Variants in ZNF268 observed in about 807,000 individuals in gnomAD.
The protein encoded by ZNF268 is zinc finger protein 3.
ZNF268 carries 20 observed loss-of-function variants against 29.3 expected under a neutral mutation model. That is an observed-to-expected ratio of 0.68 (90% CI 0.48 to 0.99). The LOEUF is 0.99. Among genes scored for constraint, ZNF268 ranks in the 50% least tolerant of loss-of-function variants. ZNF268 has a pLI of 0.00. For synonymous variants in ZNF268, 429 were observed against 376.9 expected (o/e 1.14, Z -1.60); for missense variants, 1,240 against 1,121.6 (o/e 1.11, Z -1.51).
chr12:133,205,358 GAAAT>G lies in ZNF268; in HGVS notation c.*831_*834del, dbSNP rs924026189. 1 of 151,868 alleles carries G rather than the reference GAAAT, an allele frequency of 6.6e-6. No homozygotes were observed. The highest frequency in any genetic ancestry group is 2.4e-5 in the African/African-American group (1 of 41,358). 9.4% of individuals were successfully genotyped at this position (151,868 alleles called of 1,614,324 possible). A position where few individuals can be genotyped will look rare whatever the true frequency, so the allele number is the denominator to read the frequency against. On this transcript the variant is annotated 3_prime_UTR_variant, in exon 6 of 6. Coordinates refer to ENST00000536435, the MANE Select transcript of ZNF268 (RefSeq NM_003415.3). ...AATCTAGTAAGGAGGTTAAGAATAA[GAAAT>G]AACATCCCAGAGCCTACAGGGATAT...
chr12:133,191,311 TG>T, intron 3 of ZNF268, 177 bp from the exon 4 acceptor site: 1 of 621,642 alleles, frequency 1.6e-6, no homozygotes, highest in Non-Finnish European at 2.6e-6. Flanking sequence ...AGTGAGACTC[TG>T]TCTCAACAAA....
chr12:133,190,022 A>G (rs917420619), intron 3 of ZNF268, among the ~76,000 whole-genome samples: 4 of 151,976 alleles, frequency 2.6e-5, no homozygotes, highest in African/African-American at 9.7e-5. Flanking sequence ...GTTAGCCAGG[A>G]TGGTCTCGTT....
chr12:133,192,739 G>A (rs1005920707), intron 5 of ZNF268, among the ~76,000 whole-genome samples: 17 of 151,596 alleles, frequency 1.1e-4, no homozygotes, highest in African/African-American at 3.9e-4. Flanking sequence ...GTGCAATCTC[G>A]GCTCACTGCA....
At chr12:133,183,733 A>G (rs1382780297) in intron 2 of ZNF268, among the ~76,000 whole-genome samples, 2 of 152,240 alleles carry the variant, frequency 1.3e-5, no homozygotes, top group East Asian at 3.9e-4. Context: ...AGAGGTTGCA[A>G]ATTAGGTGTG....
rs761585557 is a variant in ZNF268 at position 133,202,438 on chromosome 12, G to T, written c.752G>T (p.Ser251Ile). The T allele has an allele frequency of 6.2e-7, 1 of 1,610,918 alleles. No individual in the cohort carries two copies. Among genetic ancestry groups the T allele is most frequent in the African/African-American group, 1.3e-5 (1 of 74,996 alleles). Residue 251 changes from serine to isoleucine, a missense_variant, in exon 6 of 6, where the codon AGT becomes ATT. Physicochemically the swap from Ser to Ile is moderately radical, Grantham distance 142. Coordinates refer to ENST00000536435, the MANE Select transcript of ZNF268 (RefSeq NM_003415.3). ...GTTATTGGAATAAAATACTGTGAAA[G>T]TATTGAATCTGGAAAAACCGTCAAT... ...QTVIGIKYCESIESGKTVNKK... is the reference protein window; with the variant it reads ...QTVIGIKYCEIIESGKTVNKK...
chr12:133,199,025 A>G lies in ZNF268; in HGVS notation c.458-3119A>G, dbSNP rs868308413. Among the ~76,000 whole-genome samples, 80 of 151,462 alleles carry G rather than the reference A, an allele frequency of 5.3e-4. No individual in the cohort carries two copies. The South Asian group carries it at 6.7e-3, about 13-fold the overall frequency. On this transcript the variant is annotated intron_variant, in intron 5 of 5. Coordinates refer to ENST00000536435, the MANE Select transcript of ZNF268 (RefSeq NM_003415.3). ...CTCTTTTCCTAATTGAATACCCTTT[A>G]TTTCCTTCTCCTGCCTAATTGCCCT...
Position 133,213,228 on chromosome 12 carries a change from T to C in ZNF268, c.*8698T>C, listed in dbSNP as rs1299873588. The C allele has an allele frequency of 2.6e-5, 4 of 152,202 alleles. No individual in the cohort carries two copies. The highest frequency in any genetic ancestry group is 9.7e-5 in the African/African-American group (4 of 41,446). 9.4% of individuals were successfully genotyped at this position (152,202 alleles called of 1,614,324 possible). A position where few individuals can be genotyped will look rare whatever the true frequency, so the allele number is the denominator to read the frequency against. On this transcript the variant is annotated 3_prime_UTR_variant, in exon 6 of 6. Transcript: ENST00000536435. Reference sequence around the variant, plus strand: ...ATTGTGGTTTTGATTTTCCTTTACCTAATGGCTAGTGATGTTGAAAATCTT... The same window carrying C: ...ATTGTGGTTTTGATTTTCCTTTACCCAATGGCTAGTGATGTTGAAAATCTT...
At position 133,204,759 on chromosome 12, in the gene ZNF268, T is replaced by A. The variant is rs1956857119; in HGVS notation, c.*229T>A. Reference sequence around the variant, plus strand: ...CTGAATTTAGTAACCACTCTGAAAATTTTTAGCAGCAAGTCATACCTTTTT... The same window carrying A: ...CTGAATTTAGTAACCACTCTGAAAAATTTTAGCAGCAAGTCATACCTTTTT... On this transcript the variant is annotated 3_prime_UTR_variant, in exon 6 of 6. Transcript: ENST00000536435. 2.5e-6 allele frequency: 1 copy of A among 403,734 alleles called. No individual in the cohort carries two copies. Among genetic ancestry groups the A allele is most frequent in the Admixed American group, 4.2e-5 (1 of 23,760 alleles). The allele number at this position is 403,734 out of a possible 1,614,324, so 25.0% of individuals were successfully genotyped here.
rs1010493797 is a variant in ZNF268, at chr12:133,202,928, A to T, written c.1242A>T (p.Lys414Asn). Reference protein sequence around the residue: ...IIHERIHTGEKPYECNECQKA... With the variant: ...IIHERIHTGENPYECNECQKA... Reference sequence around the variant, plus strand: ...ATGAAAGAATTCATACAGGAGAGAAACCATATGAATGCAATGAATGTCAGA... The same window carrying T: ...ATGAAAGAATTCATACAGGAGAGAATCCATATGAATGCAATGAATGTCAGA... The change falls in exon 6 of 6, where the codon AAA (lysine) becomes AAT (asparagine). Residue 414 changes from lysine (K) to asparagine (N), a missense_variant. This residue lies in a region of ZNF268 where 1,177 missense variants were observed against 1,039.6 expected (regional missense o/e 1.13). Coordinates refer to ENST00000536435, the MANE Select transcript of ZNF268 (RefSeq NM_003415.3). 2 of 1,545,692 alleles carry T rather than the reference A, an allele frequency of 1.3e-6. No individual in the cohort carries two copies. The highest frequency in any genetic ancestry group is 2.0e-5 in the Admixed American group (1 of 51,258).
Position 133,191,507 on chromosome 12 carries a change from G to A in ZNF268, c.253G>A (p.Asp85Asn), listed in dbSNP as rs1314136871. Residue 85 changes from aspartate to asparagine, a missense_variant, in exon 4 of 6, where the codon GAT (aspartate) becomes AAT (asparagine). Coordinates refer to ENST00000536435, the MANE Select transcript of ZNF268 (RefSeq NM_003415.3). The part of the protein sequence containing the change: ...TKSWGPLSFM[D>N]VFVDFTWEEW... The stretch of plus-strand genomic sequence containing the variant: ...ATTTCAGGGACCTTTGTCATTCATG[G>A]ATGTGTTTGTGGATTTTACCTGGGA... 6.2e-7 allele frequency: 1 copy of A among 1,613,954 alleles called. No individual in the cohort carries two copies. The highest frequency in any genetic ancestry group is 8.5e-7 in the Non-Finnish European group (1 of 1,179,932).
At chr12:133,200,054 T>C (rs1487840464) in intron 5 of ZNF268, among the ~76,000 whole-genome samples, 1 of 152,214 alleles carries the variant, frequency 6.6e-6, no homozygotes, top group African/African-American at 2.4e-5. Context: ...TTTAGTTATT[T>C]CTTGCCTTCT....
chr12:133,183,936 A>T (rs1956240595), intron 2 of ZNF268, among the ~76,000 whole-genome samples: 1 of 152,344 alleles, frequency 6.6e-6, no homozygotes, highest in South Asian at 2.1e-4. Flanking sequence ...AGTGACATGT[A>T]TGAGGGAGAT....
intron 3 of ZNF268, among the ~76,000 whole-genome samples, chr12:133,188,900 A>C (rs1244627715): frequency 6.6e-6 from 1 of 152,056 alleles, no homozygotes; most frequent in Non-Finnish European, 1.5e-5. Flanking sequence ...TCTAACTTTT[A>C]CTGAGTCTGG....
chr12:133,187,043 A>G (rs1293149602), intron 2 of ZNF268, among the ~76,000 whole-genome samples: 2 of 152,096 alleles, frequency 1.3e-5, no homozygotes, highest in Non-Finnish European at 2.9e-5. Context: ...ATCACCTTTT[A>G]CTGGCTGTAT....
At chr12:133,195,693 A>G (rs1392603456) in intron 5 of ZNF268, among the ~76,000 whole-genome samples, 2 of 151,910 alleles carry the variant, frequency 1.3e-5, no homozygotes, top group Admixed American at 6.6e-5. Context: ...GGTGACAGAG[A>G]GGGATCCTGT....
Position 133,211,218 on chromosome 12 carries a change from A to AC in ZNF268, c.*6691dup, listed in dbSNP as rs1566396244. The AC allele has an allele frequency of 2.8e-5, 10 of 354,140 alleles. No homozygotes were observed. The highest frequency in any genetic ancestry group is 1.7e-4 in the African/African-American group (8 of 46,584). 21.9% of individuals were successfully genotyped at this position (354,140 alleles called of 1,614,324 possible). A position where few individuals can be genotyped will look rare whatever the true frequency, so the allele number is the denominator to read the frequency against. On this transcript the variant is annotated 3_prime_UTR_variant, in exon 6 of 6. Coordinates refer to ENST00000536435, the MANE Select transcript of ZNF268 (RefSeq NM_003415.3). ...TTTGTATGCAAAATATAAAAAAAAA[A>AC]CCCTAAAATTGAACAAGAAGACAAC...
intron 4 of ZNF268, 50 bp downstream of exon 4, chr12:133,191,665 C>T: frequency 6.2e-7 from 1 of 1,601,910 alleles, no homozygotes; most frequent in Middle Eastern, 1.7e-4. Context: ...CAGGCTTCTT[C>T]TTGGTTGCTG....
In ZNF268 at chr12:133,213,163, T is replaced by G. The variant is rs1034318906; in HGVS notation, c.*8633T>G. 2 of 152,162 alleles carry G rather than the reference T, an allele frequency of 1.3e-5. No homozygotes were observed. The highest frequency in any genetic ancestry group is 2.4e-5 in the African/African-American group (1 of 41,434). 9.4% of individuals were successfully genotyped at this position (152,162 alleles called of 1,614,324 possible). A position where few individuals can be genotyped will look rare whatever the true frequency, so the allele number is the denominator to read the frequency against. On this transcript the variant is annotated 3_prime_UTR_variant, in exon 6 of 6. Coordinates refer to ENST00000536435, the MANE Select transcript of ZNF268 (RefSeq NM_003415.3). ...AACCACTGCACTTGGCCTCCATATT[T>G]TTTATAATAGCCACTCTAACATGTA...
intron 2 of ZNF268, among the ~76,000 whole-genome samples, chr12:133,183,073 C>G (rs187766855): frequency 2.9e-4 from 44 of 152,256 alleles, no homozygotes; most frequent in Non-Finnish European, 7.3e-5. Flanking sequence ...ACTGCGCATG[C>G]GAAAGATCTA....
Sources: allele counts gnomAD v4.1 joint callset (sites outside exome capture counted in the v4.1 genomes callset), GRCh38; gene constraint gnomAD v4.1.1; regional missense constraint gnomAD v4.1.1; transcripts MANE v1.5; gene names NCBI Gene and HGNC (gene_info 2026-07-23, HGNC 2026-07-21).